Variants in SDK1 observed in about 807,000 individuals in gnomAD.
The protein encoded by SDK1 is sidekick cell adhesion molecule 1, also known as protein sidekick-1.
Under a neutral mutation model 245.5 loss-of-function variants are expected in SDK1, and 157 were observed. The ratio of observed to expected loss-of-function variants is 0.64; its 90% CI spans 0.56 to 0.73. The LOEUF is 0.73. Among genes scored for constraint, SDK1 ranks in the 30% least tolerant of loss-of-function variants. The pLI is 0.00. For synonymous variants in SDK1, 1,647 were observed against 1,278.5 expected, an observed-to-expected ratio of 1.29 and a Z score of -6.15; for missense variants, 3,583 against 3,002.3, an observed-to-expected ratio of 1.19 and a Z score of -4.52.
chr7:3,842,519 C>T (rs1487768230), intron 5 of SDK1, among the ~76,000 whole-genome samples: 1 of 152,070 alleles, frequency 6.6e-6, no homozygotes, highest in Non-Finnish European at 1.5e-5. Flanking sequence ...TGCCAGTGAC[C>T]ACGAGGTGCC....
rs1342131648 is a variant in SDK1, at chr7:3,403,880, T to TA, written c.298+101996_298+101997insA. Among the ~76,000 whole-genome samples the TA allele has an allele frequency of 7.5e-5, 9 of 119,794 alleles. 1 individual carries two copies. Among genetic ancestry groups the TA allele is most frequent in the African/African-American group, 2.8e-4 (9 of 32,100 alleles). 78.6% of individuals were successfully genotyped at this position (119,794 alleles called of 152,430 possible). A position where few individuals can be genotyped will look rare whatever the true frequency, so the allele number is the denominator to read the frequency against. On this transcript the variant is annotated intron_variant, in intron 1 of 44. Transcript: ENST00000404826. ...ATATATATATATATAATATATATAT[T>TA]TATTTATATTATATATATATTTATT...
chr7:3,480,706 C>A (rs1206833035), intron 1 of SDK1, among the ~76,000 whole-genome samples: 3 of 152,216 alleles, frequency 2.0e-5, no homozygotes, highest in Admixed American at 6.5e-5. Flanking sequence ...CCTGCTATTC[C>A]TGAATAAACT....
chr7:4,021,930 C>T (rs1483618026), intron 17 of SDK1, among the ~76,000 whole-genome samples: 1 of 152,214 alleles, frequency 6.6e-6, no homozygotes, highest in Non-Finnish European at 1.5e-5. Context: ...ACAGGTCCTT[C>T]AGGCCATGAC....
intron 22 of SDK1, among the ~76,000 whole-genome samples, chr7:4,084,675 C>CGTTACGTTAT (rs1484542380): frequency 8.3e-6 from 1 of 119,774 alleles, no homozygotes; most frequent in Non-Finnish European, 1.6e-5. Flanking sequence ...TGTTATGTTA[C>CGTTACGTTAT]GTTATGTTAT....
chr7:3,556,376 A>C (rs947742518), intron 1 of SDK1, among the ~76,000 whole-genome samples: 3 of 152,148 alleles, frequency 2.0e-5, no homozygotes, highest in African/African-American at 7.2e-5. Flanking sequence ...CATGGAGATA[A>C]AGGGTAGAAT....
chr7:3,611,977 C>T (rs1012299135), intron 1 of SDK1, among the ~76,000 whole-genome samples: 1 of 152,086 alleles, frequency 6.6e-6, no homozygotes, highest in African/African-American at 2.4e-5. Flanking sequence ...GACCATTATT[C>T]TAAGTGAAGT....
At chr7:3,663,564 G>C (rs1280266726) in intron 4 of SDK1, among the ~76,000 whole-genome samples, 1 of 152,132 alleles carries the variant, frequency 6.6e-6, no homozygotes, top group East Asian at 1.9e-4. Flanking sequence ...TTGCTGTTTA[G>C]ACCATGTGGC....
intron 12 of SDK1, among the ~76,000 whole-genome samples, chr7:3,972,979 T>G (rs1323172571): frequency 6.6e-6 from 1 of 152,068 alleles, no homozygotes; most frequent in African/African-American, 2.4e-5. Context: ...TCCTAAATGA[T>G]TTGGAGTATG....
chr7:3,431,075 A>G, intron 1 of SDK1, among the ~76,000 whole-genome samples: 1 of 151,564 alleles, frequency 6.6e-6, no homozygotes, highest in Non-Finnish European at 1.5e-5. Flanking sequence ...TAATTTTTTT[A>G]TTTTTCATAG....
At position 4,157,243 on chromosome 7, in the gene SDK1, T is replaced by TGGAC. The variant is rs141517763; in HGVS notation, c.4626-1193_4626-1190dup. 2.9e-3 allele frequency among the ~76,000 whole-genome samples: 425 copies of TGGAC among 148,752 alleles called. 6 individuals are homozygous for TGGAC. Among genetic ancestry groups the TGGAC allele is most frequent in the African/African-American group, 9.1e-3 (366 of 40,118 alleles). On this transcript the variant is annotated intron_variant, in intron 30 of 44. Transcript: ENST00000404826. ...GGAGACCCATTGCATGTGGAGTAGC[T>TGGAC]GGACGGACGGACGGAAGGAAGGAAG...
At chr7:3,752,817 A>C (rs117811928) in intron 4 of SDK1, among the ~76,000 whole-genome samples, 1 of 152,198 alleles carries the variant, frequency 6.6e-6, no homozygotes, top group African/African-American at 2.4e-5. Context: ...ATTTCTCTCT[A>C]TAGTTTTTTC....
chr7:3,372,166 G>T (rs1562446971), intron 1 of SDK1, among the ~76,000 whole-genome samples: 1 of 152,098 alleles, frequency 6.6e-6, no homozygotes, highest in Non-Finnish European at 1.5e-5. Flanking sequence ...TTAGATTTTA[G>T]GTTATGTCTC....
intron 5 of SDK1, among the ~76,000 whole-genome samples, chr7:3,889,633 A>G (rs964994183): frequency 6.6e-6 from 1 of 152,004 alleles, no homozygotes; most frequent in Non-Finnish European, 1.5e-5. Context: ...TCAGCCTCCC[A>G]AGTAGCTGGG....
At chr7:4,185,429 A>C (rs1476694896) in intron 35 of SDK1, among the ~76,000 whole-genome samples, 1 of 152,178 alleles carries the variant, frequency 6.6e-6, no homozygotes, top group Non-Finnish European at 1.5e-5. Flanking sequence ...CCCAGACCCC[A>C]AGCAGGCATC....
chr7:4,051,896 C>A, intron 19 of SDK1, 66 bp downstream of exon 19: 5 of 1,441,800 alleles, frequency 3.5e-6, no homozygotes, highest in Non-Finnish European at 4.7e-6. Flanking sequence ...CTGCAACTTC[C>A]AGAATCAGGC....
chr7:3,706,981 C>G (rs1784909979), intron 4 of SDK1, among the ~76,000 whole-genome samples: 1 of 152,124 alleles, frequency 6.6e-6, no homozygotes, highest in Non-Finnish European at 1.5e-5. Context: ...GGTCTATCAA[C>G]TTTGTCTTTT....
At chr7:3,681,871 A>G (rs1219141937) in intron 4 of SDK1, among the ~76,000 whole-genome samples, 3 of 152,188 alleles carry the variant, frequency 2.0e-5, no homozygotes, top group Non-Finnish European at 4.4e-5. Flanking sequence ...GGGACCAGAT[A>G]TGTTTTAGAA....
intron 5 of SDK1, among the ~76,000 whole-genome samples, chr7:3,933,019 C>G (rs1448033043): frequency 3.3e-5 from 5 of 151,998 alleles, no homozygotes; most frequent in Admixed American, 3.3e-4. Flanking sequence ...GCTGGTGCCA[C>G]CGTGCTGGTA....
intron 5 of SDK1, among the ~76,000 whole-genome samples, chr7:3,868,160 T>C (rs1224293285): frequency 6.6e-6 from 1 of 152,158 alleles, no homozygotes; most frequent in African/African-American, 2.4e-5. Context: ...GCCTTACAAA[T>C]TGGGAAGAAA....
Sources: allele counts gnomAD v4.1 joint callset (sites outside exome capture counted in the v4.1 genomes callset), GRCh38; gene constraint gnomAD v4.1.1; transcripts MANE v1.5; gene names NCBI Gene and HGNC (gene_info 2026-07-23, HGNC 2026-07-21).